The following SHROOM3 variants were observed in gnomAD, a reference collection of about 807,000 sequenced individuals.
SHROOM3 encodes the protein shroom family member 3, also known as protein Shroom3.
SHROOM3 carries 47 observed loss-of-function variants against 138.6 expected under a neutral mutation model. The observed-to-expected ratio is 0.34, with a 90% CI of 0.27 to 0.43. The LOEUF (loss-of-function observed/expected upper bound fraction) is 0.43. Among genes scored for constraint, SHROOM3 ranks in the 20% least tolerant of loss-of-function variants. SHROOM3 has a pLI of 1.00. For missense variants in SHROOM3, 2,491 were observed against 2,596.5 expected, an observed-to-expected ratio of 0.96 and a Z score of 0.88; for synonymous variants, 1,062 against 1,063.3, an observed-to-expected ratio of 1.00 and a Z score of 0.02.
chr4:76,773,739 C>T (rs1325227230), intron 10 of SHROOM3, among the ~76,000 whole-genome samples: 2 of 152,294 alleles, frequency 1.3e-5, no homozygotes, highest in Middle Eastern at 3.4e-3. Context: ...AGTCTCTTTT[C>T]CATCACTCCC....
intron 3 of SHROOM3, among the ~76,000 whole-genome samples, chr4:76,713,026 T>C (rs1490385101): frequency 1.3e-5 from 2 of 152,170 alleles, no homozygotes; most frequent in Non-Finnish European, 2.9e-5. Context: ...TACACCTACA[T>C]AGGGCACTCA....
chr4:76,774,256 G>T (rs539722168), intron 10 of SHROOM3, among the ~76,000 whole-genome samples: 1 of 152,102 alleles, frequency 6.6e-6, no homozygotes, highest in South Asian at 2.1e-4. Flanking sequence ...TTTTAGAACC[G>T]AATTAAATTC....
At chr4:76,590,417 C>T (rs1288440830) in intron 2 of SHROOM3, among the ~76,000 whole-genome samples, 1 of 151,930 alleles carries the variant, frequency 6.6e-6, no homozygotes, top group African/African-American at 2.4e-5. Flanking sequence ...GAGTGGAGGC[C>T]GCAGAGCTCC....
Position 76,740,393 on chromosome 4 carries a change from A to G in SHROOM3, c.2220A>G (p.Pro740=). Residue 740 remains proline, a synonymous_variant, in exon 5 of 11, where the codon CCA becomes CCG. Coordinates refer to ENST00000296043, the MANE Select transcript of SHROOM3 (RefSeq NM_020859.4). The surrounding 1 kb of genome is among the most constrained non-coding windows in gnomAD (Gnocchi z 4.0). ...CGGCTTCTTTCAACAGCACAGACCCAAGTCCCGAAGAGCCGCCTGCCCCCT... is the reference window on the plus strand; with the variant it reads ...CGGCTTCTTTCAACAGCACAGACCCGAGTCCCGAAGAGCCGCCTGCCCCCT... The part of the protein sequence containing the change: ...GASASFNSTD[P]SPEEPPAPSH... The G allele has an allele frequency of 6.2e-7, 1 of 1,612,964 alleles. No homozygotes were observed. Among genetic ancestry groups the G allele is most frequent in the Non-Finnish European group, 8.5e-7 (1 of 1,179,944 alleles).
intron 3 of SHROOM3, among the ~76,000 whole-genome samples, chr4:76,725,897 A>G (rs1250991401): frequency 6.6e-6 from 1 of 152,080 alleles, no homozygotes; most frequent in Non-Finnish European, 1.5e-5. Context: ...CCTTATAGAC[A>G]CTTGCTTGAA....
intron 2 of SHROOM3, among the ~76,000 whole-genome samples, chr4:76,674,112 G>A (rs745693563): frequency 6.6e-6 from 1 of 151,940 alleles, no homozygotes; most frequent in Admixed American, 6.6e-5. Context: ...GGCCTCAAGC[G>A]ATCCTCCCAC....
intron 6 of SHROOM3, among the ~76,000 whole-genome samples, chr4:76,752,293 T>G (rs554882487): frequency 1.3e-5 from 2 of 152,216 alleles, no homozygotes; most frequent in East Asian, 3.9e-4. Flanking sequence ...CAGGGGTTAG[T>G]AGGAGGGGGA....
At chr4:76,601,280 C>T (rs1351035011) in intron 2 of SHROOM3, among the ~76,000 whole-genome samples, 3 of 152,056 alleles carry the variant, frequency 2.0e-5, no homozygotes, top group Admixed American at 2.0e-4. Context: ...GGGGGTCGTG[C>T]TACTGGCATC....
chr4:76,500,741 C>T (rs1248466677), intron 1 of SHROOM3, among the ~76,000 whole-genome samples: 2 of 152,056 alleles, frequency 1.3e-5, no homozygotes, highest in African/African-American at 4.8e-5. Flanking sequence ...GTTCATTGGC[C>T]ATTTGAATAT....
At chr4:76,465,895 T>C (rs2109978646) in intron 1 of SHROOM3, among the ~76,000 whole-genome samples, 1 of 152,340 alleles carries the variant, frequency 6.6e-6, no homozygotes, top group East Asian at 1.9e-4. Context: ...GGCCTAAGAT[T>C]TAGGTTTTCC....
rs1265662459 is a variant in SHROOM3, at chr4:76,759,787, A to G, written c.5349+92A>G. On this transcript the variant is annotated intron_variant, in intron 9 of 10. Transcript: ENST00000296043. ...GCGTGGTGACTGGGCCTCTTGAGGC[A>G]GGTGGGGAAAGGACCTGTCACATCA... The G allele has an allele frequency of 4.8e-6, 7 of 1,443,536 alleles. No individual in the cohort carries two copies. The Admixed American group carries it at 9.7e-5, about 20-fold the overall frequency. The allele number at this position is 1,443,536 out of a possible 1,614,324, so 89.4% of individuals were successfully genotyped here.
intron 1 of SHROOM3, among the ~76,000 whole-genome samples, chr4:76,479,215 G>A (rs576768328): frequency 7.2e-5 from 11 of 151,956 alleles, no homozygotes; most frequent in Non-Finnish European, 1.6e-4. Flanking sequence ...CCAATGCAAG[G>A]AGGCTAAGAA....
intron 2 of SHROOM3, among the ~76,000 whole-genome samples, chr4:76,644,551 T>A (rs552407130): frequency 6.6e-6 from 1 of 152,000 alleles, no homozygotes; most frequent in East Asian, 1.9e-4. Flanking sequence ...CAGCTTTCCA[T>A]GTCAGGACAT....
intron 2 of SHROOM3, among the ~76,000 whole-genome samples, chr4:76,576,417 T>C (rs986723348): frequency 6.6e-6 from 1 of 152,180 alleles, no homozygotes; most frequent in African/African-American, 2.4e-5. Context: ...AAACTTTGCA[T>C]ATTCTCACTT....
chr4:76,692,545 C>T lies in SHROOM3; in HGVS notation c.324-17611C>T, dbSNP rs577090642. 9.8e-5 allele frequency among the ~76,000 whole-genome samples: 15 copies of T among 152,308 alleles called. 1 individual carries two copies. Among genetic ancestry groups the T allele is most frequent in the African/African-American group, 2.9e-4 (12 of 41,570 alleles). On this transcript the variant is annotated intron_variant, in intron 2 of 10. Coordinates refer to ENST00000296043, the MANE Select transcript of SHROOM3 (RefSeq NM_020859.4). ...CCCAAGATAGGTGAAAACAAATGTC[C>T]ACCAATGACTTGTACAGAATGTTCA...
intron 3 of SHROOM3, among the ~76,000 whole-genome samples, chr4:76,711,995 A>T (rs1007412314): frequency 6.6e-6 from 1 of 152,148 alleles, no homozygotes; most frequent in Non-Finnish European, 1.5e-5. Context: ...GAGACATCCT[A>T]AGAAGCAGAA....
chr4:76,453,926 T>A (rs1341003484), intron 1 of SHROOM3, among the ~76,000 whole-genome samples: 1 of 152,248 alleles, frequency 6.6e-6, no homozygotes, highest in Non-Finnish European at 1.5e-5. Context: ...CTTTTGATGT[T>A]AGATTCGAGA....
At position 76,510,354 on chromosome 4, in the gene SHROOM3, G is replaced by A. The variant is rs565676825; in HGVS notation, c.169-45255G>A. ...CAGTATAATCAGTAATAAAAAATGG[G>A]GGCAAGAGCACAGATTGTACTAGTT... On this transcript the variant is annotated intron_variant, in intron 1 of 10. Coordinates refer to ENST00000296043, the MANE Select transcript of SHROOM3 (RefSeq NM_020859.4). 3.9e-5 allele frequency among the ~76,000 whole-genome samples: 6 copies of A among 152,268 alleles called. No individual in the cohort carries two copies. In the South Asian group the frequency reaches 1.2e-3, roughly 32 times the overall value.
intron 1 of SHROOM3, among the ~76,000 whole-genome samples, chr4:76,479,052 C>CA (rs1478436666): frequency 6.6e-6 from 1 of 151,986 alleles, no homozygotes; most frequent in African/African-American, 2.4e-5. Flanking sequence ...CTGAAAATTC[C>CA]AAAAACCAGA....
Sources: gnomAD v4.1 joint callset for allele counts (sites outside exome capture counted in the v4.1 genomes callset) on GRCh38, gnomAD v4.1.1 for gene constraint, Gnocchi (gnomAD v3.1) non-coding constraint, MANE v1.5 for transcripts, NCBI Gene and HGNC (gene_info 2026-07-23, HGNC 2026-07-21) for gene names.